The following DRC8 variants were observed in gnomAD, a reference collection of about 807,000 sequenced individuals.
The protein encoded by DRC8 is dynein regulatory complex subunit 8.
the DRC8 span, among the ~76,000 whole-genome samples, chr1:244,977,034 T>G: frequency 6.6e-6 from 1 of 152,140 alleles, no homozygotes; most frequent in Non-Finnish European, 1.5e-5. Context: ...AATAAGCCAG[T>G]CAAAAAGACA....
chr1:245,076,423 T>A, the DRC8 span, among the ~76,000 whole-genome samples: 2 of 152,252 alleles, frequency 1.3e-5, no homozygotes, highest in African/African-American at 4.8e-5. Context: ...GGGAATATAT[T>A]GTGATTTTTC....
the DRC8 span, among the ~76,000 whole-genome samples, chr1:245,036,526 C>G: frequency 6.6e-6 from 1 of 152,112 alleles, no homozygotes; most frequent in African/African-American, 2.4e-5. Context: ...TATGTCCATA[C>G]AAAAACCTGT....
At chr1:245,076,725 A>ATT in the DRC8 span, among the ~76,000 whole-genome samples, 51,933 of 148,986 alleles carry the variant, frequency 0.35, 9,161 homozygotes, top group Middle Eastern at 0.43. Flanking sequence ...TGTGAAATAC[A>ATT]TTTTTTTTTT....
the DRC8 span, among the ~76,000 whole-genome samples, chr1:245,120,310 G>T: frequency 6.6e-6 from 1 of 152,058 alleles, no homozygotes. Flanking sequence ...TTCTCACTAA[G>T]CAACAGGTCC....
the DRC8 span, chr1:244,969,868 C>T: frequency 1.4e-5 from 6 of 428,668 alleles, no homozygotes; most frequent in African/African-American, 1.2e-4. Flanking sequence ...CGCTTCCCGG[C>T]GGGAGGCGGG....
chr1:245,085,486 A>T, the DRC8 span, among the ~76,000 whole-genome samples: 4 of 152,150 alleles, frequency 2.6e-5, no homozygotes. Flanking sequence ...CTGAACAAAA[A>T]TGGGGAGGTA....
chr1:245,024,474 A>G, the DRC8 span, among the ~76,000 whole-genome samples: 3 of 151,868 alleles, frequency 2.0e-5, no homozygotes. Context: ...ATTATCAAGC[A>G]TTGGGATTTT....
At chr1:245,060,729 G>A in the DRC8 span, among the ~76,000 whole-genome samples, 1 of 152,218 alleles carries the variant, frequency 6.6e-6, no homozygotes, top group Admixed American at 6.5e-5. Context: ...CACATGCTCA[G>A]GATAGTAAGT....
the DRC8 span, among the ~76,000 whole-genome samples, chr1:245,065,831 C>T: frequency 4.0e-5 from 6 of 151,510 alleles, no homozygotes; most frequent in African/African-American, 1.5e-4. Flanking sequence ...GAGGCAAAAG[C>T]GTCTAGCTGC....
the DRC8 span, among the ~76,000 whole-genome samples, chr1:245,042,556 T>TC: frequency 6.6e-6 from 1 of 152,372 alleles, no homozygotes; most frequent in Non-Finnish European, 1.5e-5. Flanking sequence ...TTTATTTTGT[T>TC]CTCTGCTGTT....
chr1:245,104,553 T>C, the DRC8 span, among the ~76,000 whole-genome samples: 63 of 150,864 alleles, frequency 4.2e-4, no homozygotes, highest in Non-Finnish European at 8.0e-4. Flanking sequence ...TGGACCCCCG[T>C]GTATTTATTA....
At chr1:245,026,309 A>G in the DRC8 span, among the ~76,000 whole-genome samples, 1 of 152,258 alleles carries the variant, frequency 6.6e-6, no homozygotes, top group African/African-American at 2.4e-5. Flanking sequence ...TGTAAGAAAT[A>G]GTAACAATAA....
chr1:245,108,544 A>G, the DRC8 span, among the ~76,000 whole-genome samples: 27 of 152,182 alleles, frequency 1.8e-4, no homozygotes, highest in African/African-American at 6.0e-4. Context: ...CATCTCTCCC[A>G]GTAGCCTCAT....
chr1:245,087,176 G>A, the DRC8 span: 1 of 1,562,528 alleles, frequency 6.4e-7, no homozygotes, highest in Non-Finnish European at 8.6e-7. Context: ...TGGCTATTAA[G>A]CTGGCTAGTG....
At chr1:244,981,194 C>A in the DRC8 span, among the ~76,000 whole-genome samples, 1 of 151,748 alleles carries the variant, frequency 6.6e-6, no homozygotes, top group Non-Finnish European at 1.5e-5. Context: ...CCCACCCCAC[C>A]ACCCCACCGC....
chr1:245,015,171 C>T, the DRC8 span, among the ~76,000 whole-genome samples: 61 of 152,144 alleles, frequency 4.0e-4, no homozygotes, highest in South Asian at 1.0e-3. Flanking sequence ...GGCTGGCGTG[C>T]AGTAGTGTGA....
the DRC8 span, among the ~76,000 whole-genome samples, chr1:245,104,639 C>T: frequency 6.5e-4 from 99 of 152,306 alleles, no homozygotes; most frequent in Middle Eastern, 6.8e-3. Context: ...CCATCCTCAC[C>T]CCTGCTCGTT....
chr1:245,015,761 C>T, the DRC8 span: 5 of 270,998 alleles, frequency 1.8e-5, no homozygotes, highest in Non-Finnish European at 3.7e-5. Flanking sequence ...TGACATTTCT[C>T]ACCACCTTCA....
chr1:245,016,937 G>A, the DRC8 span, among the ~76,000 whole-genome samples: 12 of 152,196 alleles, frequency 7.9e-5, no homozygotes, highest in Non-Finnish European at 8.8e-5. Context: ...GAAATATTCT[G>A]TCACCGTGAT....
Sources: gnomAD v4.1 joint callset for allele counts (sites outside exome capture counted in the v4.1 genomes callset) on GRCh38, gnomAD v4.1.1 for gene constraint, MANE v1.5 for transcripts, NCBI Gene and HGNC (gene_info 2026-07-23, HGNC 2026-07-21) for gene names.